The following NCKAP1 variants were observed in gnomAD, a reference collection of about 807,000 sequenced individuals.
NCKAP1 encodes the protein nck-associated protein 1.
A neutral mutation model predicts 151.2 loss-of-function variants in NCKAP1; 21 were observed. The observed-to-expected ratio is 0.14, with a 90% CI of 0.10 to 0.20. The LOEUF is 0.20. Among genes scored for constraint, NCKAP1 ranks in the 10% least tolerant of loss-of-function variants. The probability of loss-of-function intolerance (pLI) is 1.00; values close to 1 mark genes in which losing one functional copy is unlikely to be tolerated. For synonymous variants in NCKAP1, 484 were observed against 451.8 expected, an observed-to-expected ratio of 1.07 and a Z score of -0.90; for missense variants, 933 against 1,352.1, an observed-to-expected ratio of 0.69 and a Z score of 4.86.
chr2:183,006,636 T>C (rs1026929609), intron 2 of NCKAP1, among the ~76,000 whole-genome samples: 1 of 152,198 alleles, frequency 6.6e-6, no homozygotes, highest in Non-Finnish European at 1.5e-5. Flanking sequence ...TACAACTCTC[T>C]TGCTTCAACT....
chr2:183,038,164 C>A lies in NCKAP1; in HGVS notation c.-65G>T. The A allele has an allele frequency of 8.2e-7, 1 of 1,226,476 alleles. No homozygotes were observed. The highest frequency in any genetic ancestry group is 1.1e-6 in the Non-Finnish European group (1 of 913,122). The allele number at this position is 1,226,476 out of a possible 1,614,324, so 76.0% of individuals were successfully genotyped here. On this transcript the variant is annotated 5_prime_UTR_variant, in exon 1 of 31. Coordinates refer to ENST00000361354, the MANE Select transcript of NCKAP1 (RefSeq NM_013436.5). Reference sequence around the variant, plus strand: ...CCCAGTCACGGGCCCGCGGCCTTCGCAGCAGCCTCTCTCGGGCCTCCTCCC... The same window carrying A: ...CCCAGTCACGGGCCCGCGGCCTTCGAAGCAGCCTCTCTCGGGCCTCCTCCC...
chr2:182,989,323 T>C (rs1188192056), intron 8 of NCKAP1, 137 bp from the exon 9 acceptor site: 7 of 616,152 alleles, frequency 1.1e-5, no homozygotes, highest in South Asian at 4.6e-5. Flanking sequence ...TAACAATACA[T>C]ATGTATAAAC....
intron 23 of NCKAP1, chr2:182,947,108 C>G (rs911090873): frequency 1.6e-4 from 24 of 152,288 alleles, no homozygotes; most frequent in African/African-American, 5.1e-4. Flanking sequence ...CAGGAATCAT[C>G]TGAAGCCTAG....
intron 24 of NCKAP1, among the ~76,000 whole-genome samples, chr2:182,936,439 T>C (rs1696877246): frequency 6.6e-6 from 1 of 152,172 alleles, no homozygotes; most frequent in Admixed American, 6.5e-5. Flanking sequence ...ACAGTCTAAA[T>C]GGGCTGTCAT....
intron 1 of NCKAP1, among the ~76,000 whole-genome samples, chr2:183,028,880 G>A (rs762929084): frequency 7.9e-5 from 12 of 151,756 alleles, no homozygotes; most frequent in East Asian, 1.9e-4. Context: ...TTGGGAGGCC[G>A]AGGTGGGCAG....
chr2:183,025,218 G>A (rs1009671993), intron 1 of NCKAP1, among the ~76,000 whole-genome samples: 2 of 152,046 alleles, frequency 1.3e-5, no homozygotes, highest in Non-Finnish European at 1.5e-5. Flanking sequence ...TACTGTGTAC[G>A]TGTACAATCA....
chr2:183,010,131 C>T (rs910822724), intron 2 of NCKAP1, among the ~76,000 whole-genome samples: 1 of 152,214 alleles, frequency 6.6e-6, no homozygotes, highest in Non-Finnish European at 1.5e-5. Flanking sequence ...GTCCATGCCT[C>T]CTTGCAATAG....
At chr2:182,960,886 G>GAA (rs535366844) in intron 18 of NCKAP1, among the ~76,000 whole-genome samples, 2 of 151,734 alleles carry the variant, frequency 1.3e-5, no homozygotes, top group Admixed American at 6.6e-5. Context: ...AAATATACAA[G>GAA]AAAAACAAAC....
intron 6 of NCKAP1, among the ~76,000 whole-genome samples, chr2:182,999,989 G>A (rs1698346987): frequency 6.6e-6 from 1 of 152,068 alleles, no homozygotes; most frequent in Admixed American, 6.6e-5. Flanking sequence ...CAGACACTGG[G>A]GACTCCAGAA....
In NCKAP1 at chr2:182,976,936, A is replaced by G; in HGVS notation, c.1439T>C (p.Val480Ala). 1 of 1,542,848 alleles carries G rather than the reference A, an allele frequency of 6.5e-7. No individual in the cohort carries two copies. Residue 480 changes from valine to alanine, a missense_variant, in exon 15 of 31, where the codon GTA (valine) becomes GCA (alanine). Around this residue, in one of 2 missense-constraint regions of NCKAP1, gnomAD observed 607 missense variants for 795.0 expected, o/e 0.76. Coordinates refer to ENST00000361354, the MANE Select transcript of NCKAP1 (RefSeq NM_013436.5). ...LSVKQVEDGE[V>A]FDFRGMRLDW... ...TAATCTCATTCCTCTGAAATCAAATACTTCCCCATCTTCAACTGTAGTAAT... is the reference window on the plus strand; with the variant it reads ...TAATCTCATTCCTCTGAAATCAAATGCTTCCCCATCTTCAACTGTAGTAAT...
At chr2:183,000,608 A>AT (rs775318989) in intron 6 of NCKAP1, among the ~76,000 whole-genome samples, 31 of 152,270 alleles carry the variant, frequency 2.0e-4, no homozygotes, top group Non-Finnish European at 4.0e-4. Flanking sequence ...TAAAATGCTG[A>AT]TTTTTTTAAA....
At chr2:182,979,050 A>G in intron 13 of NCKAP1, 135 bp from the exon 14 acceptor site, 1 of 460,494 alleles carries the variant, frequency 2.2e-6, no homozygotes, top group Non-Finnish European at 3.9e-6. Flanking sequence ...AAAGAAATGA[A>G]ATTTTAACAC....
intron 12 of NCKAP1, among the ~76,000 whole-genome samples, chr2:182,981,703 G>A (rs10187158): frequency 0.61 from 92,934 of 151,582 alleles, 31,744 homozygotes; most frequent in East Asian, 0.86. Flanking sequence ...GAGGTCAGGG[G>A]TTCAAAACCA....
chr2:182,976,495 G>A (rs1178965941), intron 15 of NCKAP1, among the ~76,000 whole-genome samples: 3 of 152,186 alleles, frequency 2.0e-5, no homozygotes, highest in African/African-American at 4.8e-5. Flanking sequence ...TGATGACGGA[G>A]ACTATATGGC....
chr2:182,938,709 G>A (rs1320559220), intron 24 of NCKAP1, among the ~76,000 whole-genome samples: 1 of 152,184 alleles, frequency 6.6e-6, no homozygotes, highest in Non-Finnish European at 1.5e-5. Context: ...TAGGGATCAG[G>A]AAAACTGCTT....
chr2:182,990,361 A>G (rs1391659634), intron 8 of NCKAP1, among the ~76,000 whole-genome samples: 1 of 152,132 alleles, frequency 6.6e-6, no homozygotes, highest in East Asian at 1.9e-4. Context: ...TAGTTGAAGA[A>G]GTGAAGGGTC....
intron 20 of NCKAP1, among the ~76,000 whole-genome samples, chr2:182,954,862 C>T (rs1038465033): frequency 1.3e-5 from 2 of 151,972 alleles, no homozygotes; most frequent in Admixed American, 1.3e-4. Flanking sequence ...TGCCTTGATC[C>T]TAATCACTAA....
At chr2:183,016,783 G>T (rs1698696341) in intron 2 of NCKAP1, among the ~76,000 whole-genome samples, 1 of 152,144 alleles carries the variant, frequency 6.6e-6, no homozygotes, top group South Asian at 2.1e-4. Context: ...GCTTCCCCTG[G>T]TGGAGGTTGG....
intron 1 of NCKAP1, among the ~76,000 whole-genome samples, chr2:183,030,096 A>C (rs1458301313): frequency 1.3e-5 from 2 of 152,134 alleles, no homozygotes; most frequent in Non-Finnish European, 2.9e-5. Context: ...CCCCTCCCAA[A>C]AATAATGTTT....
Sources: allele counts gnomAD v4.1 joint callset (sites outside exome capture counted in the v4.1 genomes callset), GRCh38; gene constraint gnomAD v4.1.1; regional missense constraint gnomAD v4.1.1; transcripts MANE v1.5; gene names NCBI Gene and HGNC (gene_info 2026-07-23, HGNC 2026-07-21).